ILKAP: variants seen among roughly 807,000 people sequenced by gnomAD.
The protein encoded by ILKAP is ILK associated serine/threonine phosphatase, also known as integrin-linked kinase-associated serine/threonine phosphatase 2C.
ILKAP carries 11 observed loss-of-function variants against 49.1 expected under a neutral mutation model. That is an observed-to-expected ratio of 0.22 (90% CI 0.14 to 0.37). ILKAP has a LOEUF of 0.37. Ranked by LOEUF, ILKAP falls within the 10% of genes least tolerant of loss-of-function variation. The pLI is 1.00. For synonymous variants in ILKAP, 186 were observed against 192.8 expected (o/e 0.96, Z 0.29); for missense variants, 363 against 510.8 (o/e 0.71, Z 2.79).
At chr2:238,191,521 T>C (rs1214467943) in intron 3 of ILKAP, among the ~76,000 whole-genome samples, 2 of 152,238 alleles carry the variant, frequency 1.3e-5, no homozygotes, top group African/African-American at 4.8e-5. Flanking sequence ...TTTCCAACAG[T>C]ATCTCTCCCA....
chr2:238,173,666 G>A lies in ILKAP; in HGVS notation c.837-13C>T. On this transcript the variant is annotated splice_polypyrimidine_tract_variant and intron_variant, in intron 9 of 11. Transcript: ENST00000254654. ...AACACGCCCATCCCTAAAATGAGAG[G>A]AAAAACATTTCAGACTCTACCTGAC... is the stretch of plus-strand genomic sequence containing the variant. The A allele has an allele frequency of 1.2e-6, 2 of 1,611,636 alleles. No homozygotes were observed. Among genetic ancestry groups the A allele is most frequent in the Middle Eastern group, 1.7e-4 (1 of 6,046 alleles).
intron 10 of ILKAP, among the ~76,000 whole-genome samples, chr2:238,171,904 A>G (rs1259274577): frequency 6.6e-6 from 1 of 152,124 alleles, no homozygotes; most frequent in East Asian, 1.9e-4. Context: ...CTGAACACCA[A>G]TGGATTCAAT....
rs568339408 is a variant in ILKAP, at chr2:238,172,915, CATA to C, written c.956+616_956+618del. Among the ~76,000 whole-genome samples the C allele has an allele frequency of 3.3e-5, 5 of 152,326 alleles. No individual in the cohort carries two copies. The South Asian group carries it at 1.0e-3, about 32-fold the overall frequency. On this transcript the variant is annotated intron_variant, in intron 10 of 11. Coordinates refer to ENST00000254654, the MANE Select transcript of ILKAP (RefSeq NM_030768.3). ...CGCTGCTCACAGGCCTCCCTAGCCC[CATA>C]ATGCCATCTTTAACCATCACCTGTT...
At chr2:238,200,006 T>C (rs1249559487) in intron 1 of ILKAP, among the ~76,000 whole-genome samples, 1 of 152,234 alleles carries the variant, frequency 6.6e-6, no homozygotes, top group Admixed American at 6.5e-5. Flanking sequence ...AAAGTACTAG[T>C]GTAGCAACCA....
chr2:238,179,622 G>A (rs1693604983), intron 9 of ILKAP, among the ~76,000 whole-genome samples: 1 of 152,160 alleles, frequency 6.6e-6, no homozygotes, highest in East Asian at 1.9e-4. Flanking sequence ...AGGAGCATCC[G>A]GCTGTCACCA....
At chr2:238,181,760 C>CT (rs1693702451) in intron 9 of ILKAP, among the ~76,000 whole-genome samples, 1 of 151,956 alleles carries the variant, frequency 6.6e-6, no homozygotes, top group Non-Finnish European at 1.5e-5. Context: ...GTAGCTGGGA[C>CT]TACAGGCGCC....
chr2:238,173,399 T>G (rs7585597), intron 10 of ILKAP, 135 bp downstream of exon 10: 1 of 1,148,022 alleles, frequency 8.7e-7, no homozygotes, highest in East Asian at 2.5e-5. Context: ...AAACCACATT[T>G]TGTTTATCTC....
chr2:238,189,776 A>G, intron 4 of ILKAP, 77 bp downstream of exon 4: 1 of 1,361,032 alleles, frequency 7.3e-7, no homozygotes, highest in South Asian at 1.3e-5. Flanking sequence ...GTATTATTAG[A>G]AAGCTGAAAC....
At position 238,182,270 on chromosome 2, in the gene ILKAP, G is replaced by A. The variant is rs1160580447; in HGVS notation, c.715-84C>T. ...CCAGTTGAAAAAAACAGTTAACAATGGAGTTTGAAGAAAACAGTTAACAAT... is the reference window on the plus strand; with the variant it reads ...CCAGTTGAAAAAAACAGTTAACAATAGAGTTTGAAGAAAACAGTTAACAAT... On this transcript the variant is annotated intron_variant, in intron 8 of 11. Coordinates refer to ENST00000254654, the MANE Select transcript of ILKAP (RefSeq NM_030768.3). The A allele has an allele frequency of 2.0e-6, 3 of 1,497,136 alleles. No individual in the cohort carries two copies. The African/African-American group carries it at 4.2e-5, about 21-fold the overall frequency. The allele number at this position is 1,497,136 out of a possible 1,614,324, so 92.7% of individuals were successfully genotyped here.
intron 10 of ILKAP, among the ~76,000 whole-genome samples, chr2:238,171,657 T>G (rs1244526308): frequency 1.3e-5 from 2 of 152,214 alleles, no homozygotes; most frequent in East Asian, 3.8e-4. Flanking sequence ...AATAAAAACA[T>G]GGGTGTTATG....
At chr2:238,194,234 T>G in intron 3 of ILKAP, 41 bp downstream of exon 3, 1 of 1,548,010 alleles carries the variant, frequency 6.5e-7, no homozygotes, top group Admixed American at 1.7e-5. Flanking sequence ...AAATACTATG[T>G]ATTATTTCCA....
chr2:238,203,458 G>T, intron 1 of ILKAP, 41 bp downstream of exon 1: 2 of 1,191,188 alleles, frequency 1.7e-6, no homozygotes, highest in South Asian at 2.1e-5. Flanking sequence ...CATCCCGCCT[G>T]CTCTCCCTTC....
rs559958247 is a variant in ILKAP at position 238,195,789 on chromosome 2, A to G, written c.56-919T>C. Among the ~76,000 whole-genome samples the G allele has an allele frequency of 2.6e-5, 4 of 152,086 alleles. No homozygotes were observed. The South Asian group carries it at 8.3e-4, about 32-fold the overall frequency. On this transcript the variant is annotated intron_variant, in intron 1 of 11. Transcript: ENST00000254654. ...CAGGCGCAGTGGCTCATGCCTATAA[A>G]CCCAGCACTTCGGTAGGCTGAGGTG...
At position 238,184,335 on chromosome 2, in the gene ILKAP, G is replaced by A. The variant is rs558867829; in HGVS notation, c.533-222C>T. Among the ~76,000 whole-genome samples, 20 of 151,974 alleles carry A rather than the reference G, an allele frequency of 1.3e-4. No individual in the cohort carries two copies. The East Asian group carries it at 1.7e-3, about 13-fold the overall frequency. ...CTCCTGAGTAGCTGGGAATACAGGC[G>A]CGCGCAACCATGCCAGGCTAATTTT... On this transcript the variant is annotated intron_variant, in intron 6 of 11. Coordinates refer to ENST00000254654, the MANE Select transcript of ILKAP (RefSeq NM_030768.3).
In ILKAP at chr2:238,190,590, G is replaced by A. The variant is rs114862485; in HGVS notation, c.179-618C>T. 2.9e-3 allele frequency among the ~76,000 whole-genome samples: 444 copies of A among 152,286 alleles called. 2 individuals carry two copies. Among genetic ancestry groups the A allele is most frequent in the African/African-American group, 9.5e-3 (393 of 41,566 alleles). On this transcript the variant is annotated intron_variant, in intron 3 of 11. Coordinates refer to ENST00000254654, the MANE Select transcript of ILKAP (RefSeq NM_030768.3). The stretch of plus-strand genomic sequence containing the variant: ...CAGTCTCAGCTGTCTTCACCCGTGC[G>A]TAACATGGTAAGAATACTGTCATCT...
At chr2:238,188,353 G>T (rs909265828) in intron 4 of ILKAP, 96 bp from the exon 5 acceptor site, 2 of 1,431,716 alleles carry the variant, frequency 1.4e-6, no homozygotes, top group Non-Finnish European at 9.4e-7. Flanking sequence ...ATGACTGTCT[G>T]ACTCAGCAAT....
chr2:238,184,244 C>T (rs1212917352), intron 6 of ILKAP, 131 bp from the exon 7 acceptor site: 4 of 632,528 alleles, frequency 6.3e-6, no homozygotes, highest in Non-Finnish European at 1.1e-5. Context: ...GGCTGGAATG[C>T]AGTGGCGCGA....
intron 4 of ILKAP, 36 bp from the exon 5 acceptor site, chr2:238,188,293 T>A (rs1300827514): frequency 1.2e-6 from 2 of 1,604,422 alleles, no homozygotes; most frequent in East Asian, 4.5e-5. Context: ...AATACAAAAC[T>A]GTGCCCAACC....
intron 4 of ILKAP, chr2:238,188,495 CAGTG>C: frequency 2.3e-6 from 1 of 437,228 alleles, no homozygotes; most frequent in Non-Finnish European, 4.2e-6. Flanking sequence ...AAAGAGGAGT[CAGTG>C]AGCACAAAAC....
Sources: gnomAD v4.1 joint callset for allele counts (sites outside exome capture counted in the v4.1 genomes callset) on GRCh38, gnomAD v4.1.1 for gene constraint, MANE v1.5 for transcripts, NCBI Gene and HGNC (gene_info 2026-07-23, HGNC 2026-07-21) for gene names.